Variants in CCDC178 observed in about 807,000 individuals in gnomAD.
The protein encoded by CCDC178 is coiled-coil domain-containing protein 178.
Under a neutral mutation model 117.4 loss-of-function variants are expected in CCDC178, and 126 were observed. The observed-to-expected ratio is 1.07, with a 90% confidence interval of 0.93 to 1.24. The LOEUF (loss-of-function observed/expected upper bound fraction) is 1.24. Among genes scored for constraint, CCDC178 ranks in the 50% most tolerant of loss-of-function variants. The pLI is 0.00. For missense variants in CCDC178, 1,030 were observed against 986.9 expected, an observed-to-expected ratio of 1.04 and a Z score of -0.59; for synonymous variants, 283 against 313.4, an observed-to-expected ratio of 0.90 and a Z score of 1.02.
At chr18:33,278,247 A>C (rs5823887) in intron 12 of CCDC178, among the ~76,000 whole-genome samples, 1 of 98,418 alleles carries the variant, frequency 1.0e-5, no homozygotes, top group East Asian at 3.7e-4. Context: ...ATATATATAT[A>C]TATCTATATA....
intron 20 of CCDC178, among the ~76,000 whole-genome samples, chr18:33,102,287 T>A (rs1262451972): frequency 1.3e-5 from 2 of 151,812 alleles, no homozygotes; most frequent in Non-Finnish European, 2.9e-5. Flanking sequence ...TGGGTTTACA[T>A]CCCCTCCTAA....
At chr18:33,437,573 C>T (rs1311288624) in intron 2 of CCDC178, 2 of 152,094 alleles carry the variant, frequency 1.3e-5, no homozygotes, top group Non-Finnish European at 2.9e-5. Flanking sequence ...AGTAAGTACC[C>T]AGAAAGGGAG....
At chr18:33,038,009 A>T (rs1245849847) in intron 21 of CCDC178, among the ~76,000 whole-genome samples, 1 of 151,956 alleles carries the variant, frequency 6.6e-6, no homozygotes, top group Non-Finnish European at 1.5e-5. Flanking sequence ...CCACTGTGGC[A>T]CTTTAATTAT....
At chr18:32,974,009 T>C (rs1452472990) in intron 22 of CCDC178, among the ~76,000 whole-genome samples, 1 of 152,188 alleles carries the variant, frequency 6.6e-6, no homozygotes, top group Non-Finnish European at 1.5e-5. Flanking sequence ...ATCTGCTAAA[T>C]GTTTTTATTG....
intron 17 of CCDC178, among the ~76,000 whole-genome samples, 154 bp from the exon 18 acceptor site, chr18:33,223,373 C>T (rs1182170503): frequency 6.6e-6 from 1 of 152,036 alleles, no homozygotes; most frequent in Non-Finnish European, 1.5e-5. Context: ...CAGAAATATA[C>T]TGTATATCCA....
At chr18:33,216,940 T>A (rs2059173030) in intron 18 of CCDC178, among the ~76,000 whole-genome samples, 1 of 152,062 alleles carries the variant, frequency 6.6e-6, no homozygotes, top group Non-Finnish European at 1.5e-5. Context: ...AAGTACTCCA[T>A]GCTCTCTATC....
chr18:33,434,879 T>C (rs930629761), intron 2 of CCDC178, among the ~76,000 whole-genome samples: 45 of 152,268 alleles, frequency 3.0e-4, no homozygotes, highest in African/African-American at 1.1e-3. Flanking sequence ...AAAATGTTCT[T>C]TCCCAGTGTC....
chr18:33,099,990 C>T (rs2057600367), intron 20 of CCDC178, among the ~76,000 whole-genome samples: 1 of 151,856 alleles, frequency 6.6e-6, no homozygotes, highest in Non-Finnish European at 1.5e-5. Context: ...TAACAAAATG[C>T]TCTCTATTCA....
chr18:33,120,520 T>G (rs746276583), intron 20 of CCDC178, among the ~76,000 whole-genome samples: 2 of 152,294 alleles, frequency 1.3e-5, no homozygotes, highest in Non-Finnish European at 2.9e-5. Context: ...GATTGTACAT[T>G]AACAATGTAA....
chr18:32,977,661 A>G (rs2055055753), intron 21 of CCDC178, among the ~76,000 whole-genome samples: 1 of 152,220 alleles, frequency 6.6e-6, no homozygotes, highest in South Asian at 2.1e-4. Context: ...ATGAACTCTT[A>G]GCCTTACTGA....
chr18:33,186,384 C>T (rs1163109529), intron 20 of CCDC178, among the ~76,000 whole-genome samples: 1 of 152,036 alleles, frequency 6.6e-6, no homozygotes, highest in Admixed American at 6.6e-5. Flanking sequence ...CCCAGACCAC[C>T]TCTTCTGTCT....
At chr18:33,417,520 G>T (rs914845173) in intron 2 of CCDC178, among the ~76,000 whole-genome samples, 1 of 121,050 alleles carries the variant, frequency 8.3e-6, no homozygotes, top group Non-Finnish European at 1.7e-5. Flanking sequence ...TAAAATAAAA[G>T]TTCACAGAGC....
chr18:33,127,562 A>G (rs1220731794), intron 20 of CCDC178, among the ~76,000 whole-genome samples: 1 of 152,062 alleles, frequency 6.6e-6, no homozygotes, highest in East Asian at 1.9e-4. Flanking sequence ...CAGCCTCCTG[A>G]GTAGCTGGGA....
chr18:33,229,074 A>G (rs1165347786), intron 15 of CCDC178, among the ~76,000 whole-genome samples: 2 of 152,146 alleles, frequency 1.3e-5, no homozygotes, highest in Admixed American at 1.3e-4. Context: ...AGTTAAGTTT[A>G]GTGTATAGGA....
chr18:33,176,663 C>T (rs2058667680), intron 20 of CCDC178, among the ~76,000 whole-genome samples: 1 of 152,104 alleles, frequency 6.6e-6, no homozygotes, highest in Non-Finnish European at 1.5e-5. Context: ...CTTTTCCTTC[C>T]TATCCTCCTT....
chr18:33,419,694 T>C (rs1448252026), intron 2 of CCDC178, among the ~76,000 whole-genome samples: 4 of 152,172 alleles, frequency 2.6e-5, no homozygotes, highest in African/African-American at 9.6e-5. Flanking sequence ...ATGCTCAACA[T>C]CATTAATCAC....
In CCDC178 at chr18:33,315,949, A is replaced by C. The variant is rs112686410; in HGVS notation, c.1022+7542T>G. 7.3e-3 allele frequency among the ~76,000 whole-genome samples: 1,109 copies of C among 152,370 alleles called. 9 individuals carry two copies. The highest frequency in any genetic ancestry group is 0.027 in the Middle Eastern group (8 of 294). ...TCATCACAAACCCTTGTAGCAGAGC[A>C]CATCTCCCATATATACAAGCATTGT... On this transcript the variant is annotated intron_variant, in intron 11 of 22. Transcript: ENST00000383096.
At chr18:33,277,069 T>G (rs947356658) in intron 12 of CCDC178, among the ~76,000 whole-genome samples, 5 of 152,080 alleles carry the variant, frequency 3.3e-5, no homozygotes, top group Non-Finnish European at 5.9e-5. Flanking sequence ...TGCCACTTAT[T>G]TCCACTACTA....
At chr18:32,948,801 A>G (rs534651609) in intron 22 of CCDC178, among the ~76,000 whole-genome samples, 2 of 152,256 alleles carry the variant, frequency 1.3e-5, no homozygotes, top group East Asian at 3.9e-4. Flanking sequence ...TAAAAATAAG[A>G]AAATAATCAC....
Sources: gnomAD v4.1 joint callset for allele counts (sites outside exome capture counted in the v4.1 genomes callset) on GRCh38, gnomAD v4.1.1 for gene constraint, MANE v1.5 for transcripts, NCBI Gene and HGNC (gene_info 2026-07-23, HGNC 2026-07-21) for gene names.